USP32: variants seen among roughly 807,000 people sequenced by gnomAD.
The protein encoded by USP32 is ubiquitin carboxyl-terminal hydrolase 32.
Under a neutral mutation model 204.8 loss-of-function variants are expected in USP32, and 59 were observed. That is an observed-to-expected ratio of 0.29 (90% CI 0.23 to 0.36). The LOEUF (loss-of-function observed/expected upper bound fraction) is 0.36. Ranked by LOEUF, USP32 falls within the 10% of genes least tolerant of loss-of-function variation. The pLI is 1.00. For synonymous variants in USP32, 517 were observed against 678.4 expected (o/e 0.76, Z 3.70); for missense variants, 1,160 against 1,946.4 (o/e 0.60, Z 7.60).
chr17:60,314,090 G>A (rs2087916720), intron 2 of USP32, among the ~76,000 whole-genome samples: 1 of 140,490 alleles, frequency 7.1e-6, no homozygotes, highest in East Asian at 2.2e-4. Flanking sequence ...ACTTTAGAGT[G>A]AAAAATATAA....
At chr17:60,195,633 C>T (rs2084494774) in intron 27 of USP32, among the ~76,000 whole-genome samples, 1 of 152,202 alleles carries the variant, frequency 6.6e-6, no homozygotes, top group African/African-American at 2.4e-5. Flanking sequence ...CCACTGCACC[C>T]AGCCTCAATC....
intron 2 of USP32, among the ~76,000 whole-genome samples, chr17:60,303,919 G>T (rs551210759): frequency 6.6e-6 from 1 of 152,156 alleles, no homozygotes; most frequent in South Asian, 2.1e-4. Context: ...AAACCCAAGA[G>T]CTGTGAGATC....
intron 1 of USP32, among the ~76,000 whole-genome samples, chr17:60,370,097 T>C (rs1181368178): frequency 6.6e-6 from 1 of 151,732 alleles, no homozygotes; most frequent in Non-Finnish European, 1.5e-5. Context: ...CCAGGCTGGA[T>C]TGCAATGGCC....
intron 21 of USP32, among the ~76,000 whole-genome samples, chr17:60,210,349 T>C (rs2084929766): frequency 2.0e-5 from 3 of 152,096 alleles, no homozygotes; most frequent in South Asian, 2.1e-4. Context: ...TCTTACTCTG[T>C]TGCCCAGGCT....
intron 1 of USP32, among the ~76,000 whole-genome samples, chr17:60,408,052 G>A (rs2089992210): frequency 6.7e-6 from 1 of 150,268 alleles, no homozygotes; most frequent in South Asian, 2.1e-4. Context: ...GAGCTGAGAT[G>A]TCGCCACTGC....
In USP32 at chr17:60,186,862, T is replaced by C. The variant is rs542596621; in HGVS notation, c.3643-1211A>G. ...CTACCTGACAAACAATCAAGAATCA[T>C]AGAGCCGGGATCCTTCTGTTTGTCC... is the stretch of plus-strand genomic sequence containing the variant. On this transcript the variant is annotated intron_variant, in intron 29 of 33. Coordinates refer to ENST00000300896, the MANE Select transcript of USP32 (RefSeq NM_032582.4). Among the ~76,000 whole-genome samples, 3 of 152,222 alleles carry C rather than the reference T, an allele frequency of 2.0e-5. No homozygotes were observed. The South Asian group carries it at 6.2e-4, about 32-fold the overall frequency.
chr17:60,394,069 C>T (rs559618577), upstream of USP32, among the ~76,000 whole-genome samples: 2 of 152,330 alleles, frequency 1.3e-5, no homozygotes, highest in South Asian at 4.1e-4. Context: ...TTCCAGTTCA[C>T]TGTGAGGTGG....
chr17:60,236,636 G>A (rs963801524), intron 11 of USP32, among the ~76,000 whole-genome samples: 1 of 152,122 alleles, frequency 6.6e-6, no homozygotes, highest in African/African-American at 2.4e-5. Flanking sequence ...GTACAACTCA[G>A]TGATTTTGAT....
intron 3 of USP32, among the ~76,000 whole-genome samples, chr17:60,296,138 A>T (rs2087422975): frequency 6.6e-6 from 1 of 152,204 alleles, no homozygotes; most frequent in Non-Finnish European, 1.5e-5. Context: ...CAAATCAGGG[A>T]CATATGATAC....
chr17:60,387,079 GCT>G (rs1243384285), intron 1 of USP32, among the ~76,000 whole-genome samples: 2 of 152,176 alleles, frequency 1.3e-5, no homozygotes, highest in African/African-American at 4.8e-5. Context: ...GCAAATAAGT[GCT>G]TTAATAAGGG....
intron 1 of USP32, 53 bp from the exon 2 acceptor site, chr17:60,345,661 C>T: frequency 6.2e-7 from 1 of 1,610,436 alleles, no homozygotes; most frequent in Non-Finnish European, 8.5e-7. Context: ...AAAGAGGTGT[C>T]TCATAATTTT....
At chr17:60,315,022 G>C (rs540462417) in intron 2 of USP32, among the ~76,000 whole-genome samples, 53 of 152,270 alleles carry the variant, frequency 3.5e-4, no homozygotes, top group South Asian at 8.3e-4. Flanking sequence ...TAAATAAAAA[G>C]ATGCAATGTC....
At chr17:60,360,008 C>G (rs184382023) in intron 1 of USP32, among the ~76,000 whole-genome samples, 1 of 151,912 alleles carries the variant, frequency 6.6e-6, no homozygotes, top group African/African-American at 2.4e-5. Flanking sequence ...GCTGGGACTA[C>G]AGGCGCCCAC....
At chr17:60,388,733 AGT>A (rs60014725) in intron 1 of USP32, among the ~76,000 whole-genome samples, 3,268 of 152,332 alleles carry the variant, frequency 0.021, 137 homozygotes, top group African/African-American at 0.075. Flanking sequence ...TCTCCCTAAC[AGT>A]GTTTAAATGT....
Position 60,236,177 on chromosome 17 carries a change from G to A in USP32, c.1200C>T (p.Ser400=), listed in dbSNP as rs2085719529. 1 of 1,613,918 alleles carries A rather than the reference G, an allele frequency of 6.2e-7. No individual in the cohort carries two copies. The highest frequency in any genetic ancestry group is 1.3e-5 in the African/African-American group (1 of 75,044). The change falls in exon 12 of 34, where the codon TCC becomes TCT. Residue 400 remains serine (S), a synonymous_variant. Transcript: ENST00000300896. Reference sequence around the variant, plus strand: ...CTTTCCACTGTTGCCACCACTGCATGGAGATGATAAACCAGTTGTGTCCTG... The same window carrying A: ...CTTTCCACTGTTGCCACCACTGCATAGAGATGATAAACCAGTTGTGTCCTG... ...LQAGHNWFII[S]MQWWQQWKEY...
chr17:60,370,912 A>G (rs1239391509), intron 1 of USP32, among the ~76,000 whole-genome samples: 2 of 151,964 alleles, frequency 1.3e-5, no homozygotes, highest in Non-Finnish European at 2.9e-5. Flanking sequence ...CCTGAGCAAC[A>G]TAGCAAGATC....
chr17:60,344,706 C>T (rs530400538), intron 2 of USP32, among the ~76,000 whole-genome samples: 7 of 152,316 alleles, frequency 4.6e-5, no homozygotes, highest in South Asian at 2.1e-4. Flanking sequence ...CCTCCTGCCT[C>T]GATCTCCCAA....
chr17:60,288,450 A>G, intron 5 of USP32, 73 bp downstream of exon 5: 17 of 1,483,674 alleles, frequency 1.1e-5, no homozygotes, highest in East Asian at 2.3e-5. Flanking sequence ...CTTTATAAGC[A>G]TATTCTCATA....
At chr17:60,417,736 T>G (rs1236268822) in intron 1 of USP32, among the ~76,000 whole-genome samples, 1 of 151,710 alleles carries the variant, frequency 6.6e-6, no homozygotes, top group Non-Finnish European at 1.5e-5. Flanking sequence ...GATTACAGGC[T>G]TGAGCCATTG....
Sources: gnomAD v4.1 joint callset for allele counts (sites outside exome capture counted in the v4.1 genomes callset) on GRCh38, gnomAD v4.1.1 for gene constraint, MANE v1.5 for transcripts, NCBI Gene and HGNC (gene_info 2026-07-23, HGNC 2026-07-21) for gene names.